The following OSBPL3 variants were observed in gnomAD, a reference collection of about 807,000 sequenced individuals.
OSBPL3 encodes the protein oxysterol-binding protein-related protein 3.
OSBPL3 carries 65 observed loss-of-function variants against 120.1 expected under a neutral mutation model. The ratio of observed to expected loss-of-function variants is 0.54; its 90% CI spans 0.44 to 0.67. The LOEUF is 0.67. OSBPL3 is among the 30% of genes least tolerant of loss of function. The probability of loss-of-function intolerance (pLI) is 0.00; values close to 1 mark genes in which losing one functional copy is unlikely to be tolerated. For missense variants in OSBPL3, 1,004 were observed against 1,082.1 expected, an observed-to-expected ratio of 0.93 and a Z score of 1.01; for synonymous variants, 416 against 402.6, an observed-to-expected ratio of 1.03 and a Z score of -0.40.
At chr7:24,814,779 T>C (rs1794264933) in intron 19 of OSBPL3, among the ~76,000 whole-genome samples, 1 of 152,228 alleles carries the variant, frequency 6.6e-6, no homozygotes, top group Non-Finnish European at 1.5e-5. Flanking sequence ...CTCAACATAA[T>C]GCTGTCAAGG....
In OSBPL3 at chr7:24,894,041, T is replaced by C. The variant is rs1406012388; in HGVS notation, c.-149-1420A>G. 8.5e-5 allele frequency among the ~76,000 whole-genome samples: 13 copies of C among 152,148 alleles called. No homozygotes were observed. Among genetic ancestry groups the C allele is most frequent in the Non-Finnish European group, 1.5e-4 (10 of 68,034 alleles). On this transcript the variant is annotated intron_variant, in intron 1 of 22. Coordinates refer to ENST00000313367, the MANE Select transcript of OSBPL3 (RefSeq NM_015550.4). This position sits in a 1 kb window ranked among gnomAD's most constrained non-coding sequence, Gnocchi z 4.1. ...ATTATTAATGTTCACATAGTCTAAT[T>C]ATAAAAAGAAGAGTATCATATATTT...
At position 24,863,388 on chromosome 7, in the gene OSBPL3, C is replaced by A. The variant is rs1800852911; in HGVS notation, c.778-96G>T. 18 of 1,401,508 alleles carry A rather than the reference C, an allele frequency of 1.3e-5. No individual in the cohort carries two copies. In the South Asian group the frequency reaches 2.1e-4, roughly 16 times the overall value. The allele number at this position is 1,401,508 out of a possible 1,614,324, so 86.8% of individuals were successfully genotyped here. ...AAAGTGACCACCTCCATCCCCTTGA[C>A]TTTGGCTGAAGCAACTGACCACAGC... On this transcript the variant is annotated intron_variant, in intron 8 of 22. Transcript: ENST00000313367. The surrounding 1 kb of genome is among the most constrained non-coding windows in gnomAD (Gnocchi z 5.8).
intron 12 of OSBPL3, among the ~76,000 whole-genome samples, chr7:24,845,608 T>C (rs1798351140): frequency 7.2e-6 from 1 of 137,986 alleles, no homozygotes; most frequent in Non-Finnish European, 1.7e-5. Context: ...AAAATATTTT[T>C]CCCAGTCTAT....
Position 24,822,076 on chromosome 7 carries a change from G to A in OSBPL3, c.1885-1838C>T, listed in dbSNP as rs1451268790. ...TTTTGTAGGGATGGGGTCATGCTAT[G>A]TTGCCCAGACTGGTCCGGAACTCCT... On this transcript the variant is annotated intron_variant, in intron 16 of 22. Coordinates refer to ENST00000313367, the MANE Select transcript of OSBPL3 (RefSeq NM_015550.4). This position sits in a 1 kb window ranked among gnomAD's most constrained non-coding sequence, Gnocchi z 5.8. 1.3e-5 allele frequency among the ~76,000 whole-genome samples: 2 copies of A among 152,046 alleles called. No individual in the cohort carries two copies. The highest frequency in any genetic ancestry group is 2.9e-5 in the Non-Finnish European group (2 of 67,990).
In OSBPL3 at chr7:24,827,896, G is replaced by C. The variant is rs1795888926; in HGVS notation, c.1884+2872C>G. 1.3e-5 allele frequency among the ~76,000 whole-genome samples: 2 copies of C among 152,198 alleles called. No individual in the cohort carries two copies. The highest frequency in any genetic ancestry group is 2.9e-5 in the Non-Finnish European group (2 of 68,040). On this transcript the variant is annotated intron_variant, in intron 16 of 22. Coordinates refer to ENST00000313367, the MANE Select transcript of OSBPL3 (RefSeq NM_015550.4). This position sits in a 1 kb window ranked among gnomAD's most constrained non-coding sequence, Gnocchi z 5.1. ...AGTCCCCTTCAAACTACTTGTACTA[G>C]AAGTGGAGATATAGCATATCTTATT...
chr7:24,920,979 G>T (rs1810315281), intron 1 of OSBPL3, among the ~76,000 whole-genome samples: 1 of 152,160 alleles, frequency 6.6e-6, no homozygotes, highest in Non-Finnish European at 1.5e-5. Context: ...TGAACCTGGG[G>T]TCTTCTAAGA....
rs746296906 is a variant in OSBPL3, at chr7:24,840,682, A to G, written c.1495+8T>C. 3 of 1,213,566 alleles carry G rather than the reference A, an allele frequency of 2.5e-6. No homozygotes were observed. Among genetic ancestry groups the G allele is most frequent in the Non-Finnish European group, 3.5e-6 (3 of 852,134 alleles). 75.2% of individuals were successfully genotyped at this position (1,213,566 alleles called of 1,614,324 possible). On this transcript the variant is annotated splice_region_variant and intron_variant, in intron 14 of 22. Transcript: ENST00000313367. ...AACTTTTCAGAGATTAAATAATGTA[A>G]ATCTTACCCAAGGTCTGTCTCTCAT...
At chr7:24,979,791 C>T (rs1310696069) in intron 1 of OSBPL3, 95 bp downstream of exon 1, 3 of 693,380 alleles carry the variant, frequency 4.3e-6, no homozygotes, top group Non-Finnish European at 5.3e-6. Context: ...GGCAGAGAAC[C>T]GCGGCGCCCC....
In OSBPL3 at chr7:24,817,730, G is replaced by A. The variant is rs528040165; in HGVS notation, c.1949-1042C>T. Among the ~76,000 whole-genome samples the A allele has an allele frequency of 1.6e-4, 25 of 152,298 alleles. No individual in the cohort carries two copies. Among genetic ancestry groups the A allele is most frequent in the African/African-American group, 6.0e-4 (25 of 41,552 alleles). ...TGCAATTGCCCAGGGGATAACAAAC[G>A]GGATGAAGGGAACCAAGACAACAGA... On this transcript the variant is annotated intron_variant, in intron 17 of 22. Coordinates refer to ENST00000313367, the MANE Select transcript of OSBPL3 (RefSeq NM_015550.4). The surrounding 1 kb of genome is among the most constrained non-coding windows in gnomAD (Gnocchi z 4.0).
In OSBPL3 at chr7:24,972,199, C is replaced by G. The variant is rs1817100398; in HGVS notation, c.-150+7687G>C. On this transcript the variant is annotated intron_variant, in intron 1 of 22. Coordinates refer to ENST00000313367, the MANE Select transcript of OSBPL3 (RefSeq NM_015550.4). The surrounding 1 kb of genome is among the most constrained non-coding windows in gnomAD (Gnocchi z 4.3). Reference sequence around the variant, plus strand: ...TTAGCAAATAAACAAACCTGTGTGTCGCATCAGAGAGAGAAATTCAAAACC... The same window carrying G: ...TTAGCAAATAAACAAACCTGTGTGTGGCATCAGAGAGAGAAATTCAAAACC... Among the ~76,000 whole-genome samples, 1 of 152,180 alleles carries G rather than the reference C, an allele frequency of 6.6e-6. No individual in the cohort carries two copies. Among genetic ancestry groups the G allele is most frequent in the Non-Finnish European group, 1.5e-5 (1 of 68,036 alleles).
rs1489255682 is a variant in OSBPL3, at chr7:24,883,108, A to G, written c.96+9269T>C. On this transcript the variant is annotated intron_variant, in intron 2 of 22. Coordinates refer to ENST00000313367, the MANE Select transcript of OSBPL3 (RefSeq NM_015550.4). The surrounding 1 kb of genome is among the most constrained non-coding windows in gnomAD (Gnocchi z 5.4). ...AAGTGAACATGTCTTTTTATGATTC[A>G]GCTCACTACACAGGGCCCCAGGGAC... Among the ~76,000 whole-genome samples, 1 of 152,166 alleles carries G rather than the reference A, an allele frequency of 6.6e-6. No homozygotes were observed. The highest frequency in any genetic ancestry group is 2.1e-4 in the South Asian group (1 of 4,828).
intron 1 of OSBPL3, 33 bp from the exon 2 acceptor site, chr7:24,892,654 G>T: frequency 7.6e-7 from 1 of 1,314,166 alleles, no homozygotes; most frequent in South Asian, 2.3e-5. Context: ...AAGGTCAGAG[G>T]CATCAGATAT....
At chr7:24,839,726 C>T (rs12700551) in intron 14 of OSBPL3, among the ~76,000 whole-genome samples, 31,312 of 152,038 alleles carry the variant, frequency 0.21, 3,946 homozygotes, top group Non-Finnish European at 0.29. Context: ...CGGTGGCTCA[C>T]GCCTGTAATC....
intron 14 of OSBPL3, among the ~76,000 whole-genome samples, chr7:24,838,575 A>G (rs1276064382): frequency 2.6e-5 from 4 of 152,170 alleles, no homozygotes; most frequent in African/African-American, 7.2e-5. Context: ...CTAACCTCTA[A>G]GCTTTTCCTG....
chr7:24,914,150 T>C (rs1809227102), intron 1 of OSBPL3, among the ~76,000 whole-genome samples: 1 of 151,886 alleles, frequency 6.6e-6, no homozygotes. Context: ...AGAAGAATGA[T>C]TGAAAGTAGA....
At chr7:24,924,309 A>G (rs1810768832) in intron 1 of OSBPL3, among the ~76,000 whole-genome samples, 1 of 152,352 alleles carries the variant, frequency 6.6e-6, no homozygotes. Context: ...TTTGGGTGGC[A>G]ACGCTAAGAG....
In OSBPL3 at chr7:24,938,707, T is replaced by C. The variant is rs1027623185; in HGVS notation, c.-150+41179A>G. ...TCCCATACAATACTCCTAAATAACA[T>C]ACACAGGCAAGACCTTAGTCACACG... is the stretch of plus-strand genomic sequence containing the variant. On this transcript the variant is annotated intron_variant, in intron 1 of 22. Coordinates refer to ENST00000313367, the MANE Select transcript of OSBPL3 (RefSeq NM_015550.4). This position sits in a 1 kb window ranked among gnomAD's most constrained non-coding sequence, Gnocchi z 5.8. 1.3e-5 allele frequency among the ~76,000 whole-genome samples: 2 copies of C among 151,232 alleles called. No individual in the cohort carries two copies. Among genetic ancestry groups the C allele is most frequent in the African/African-American group, 4.9e-5 (2 of 41,080 alleles).
rs1346160462 is a variant in OSBPL3 at position 24,862,431 on chromosome 7, TA to T, written c.871-663del. Among the ~76,000 whole-genome samples the T allele has an allele frequency of 6.6e-6, 1 of 152,186 alleles. No individual in the cohort carries two copies. The highest frequency in any genetic ancestry group is 1.5e-5 in the Non-Finnish European group (1 of 68,032). On this transcript the variant is annotated intron_variant, in intron 9 of 22. Transcript: ENST00000313367. The surrounding 1 kb of genome is among the most constrained non-coding windows in gnomAD (Gnocchi z 4.4). Reference sequence around the variant, plus strand: ...ATGTATCCAGGCGGTTAGTAATGGATAGGTTTAAAATGCTTTTCTTTGCACC... The same window carrying T: ...ATGTATCCAGGCGGTTAGTAATGGATGGTTTAAAATGCTTTTCTTTGCACC...
chr7:24,880,910 T>TA (rs1486793250), intron 2 of OSBPL3, among the ~76,000 whole-genome samples: 4 of 152,040 alleles, frequency 2.6e-5, no homozygotes, highest in South Asian at 2.1e-4. Flanking sequence ...TATTTTAATT[T>TA]AAAAAAAACC....
Sources: gnomAD v4.1 joint callset for allele counts (sites outside exome capture counted in the v4.1 genomes callset) on GRCh38, gnomAD v4.1.1 for gene constraint, Gnocchi (gnomAD v3.1) non-coding constraint, MANE v1.5 for transcripts, NCBI Gene and HGNC (gene_info 2026-07-23, HGNC 2026-07-21) for gene names.